Variants in SELENOF observed in about 807,000 individuals in gnomAD.
The protein encoded by SELENOF is 15 kDa selenoprotein.
In SELENOF, 16 loss-of-function variants were observed where a neutral mutation model predicts 20.5. The ratio of observed to expected loss-of-function variants is 0.78; its 90% confidence interval spans 0.53 to 1.19. The LOEUF is 1.19. SELENOF is among the 50% of genes most tolerant of loss of function. The probability of loss-of-function intolerance (pLI) is 0.00; values close to 1 mark genes in which losing one functional copy is unlikely to be tolerated. For missense variants in SELENOF, 215 were observed against 194.2 expected (o/e 1.11, Z -0.64); for synonymous variants, 78 against 74.5 (o/e 1.05, Z -0.24).
Position 86,897,651 on chromosome 1 carries a change from GCAGCTAA to G in SELENOF, c.252+5623_252+5629del, listed in dbSNP as rs531500338. On this transcript the variant is annotated intron_variant, in intron 2 of 4. Coordinates refer to ENST00000331835, the MANE Select transcript of SELENOF (RefSeq NM_004261.5). Reference sequence around the variant, plus strand: ...ATACACCATTCTACATAGCTACTATGCAGCTAACAGGTTCTTGCATTATTCCACAACC... The same window carrying G: ...ATACACCATTCTACATAGCTACTATGCAGGTTCTTGCATTATTCCACAACC... Among the ~76,000 whole-genome samples, 939 of 152,300 alleles carry G rather than the reference GCAGCTAA, an allele frequency of 6.2e-3. 11 individuals are homozygous for G. Among genetic ancestry groups the G allele is most frequent in the African/African-American group, 0.022 (906 of 41,556 alleles).
intron 2 of SELENOF, among the ~76,000 whole-genome samples, chr1:86,895,810 G>A (rs150343793): frequency 2.6e-5 from 4 of 152,262 alleles, no homozygotes; most frequent in Admixed American, 6.5e-5. Flanking sequence ...TAAGGCAAGT[G>A]TAAATGCAAA....
At chr1:86,893,941 T>C (rs528464511) in intron 2 of SELENOF, among the ~76,000 whole-genome samples, 23 of 152,364 alleles carry the variant, frequency 1.5e-4, no homozygotes, top group African/African-American at 5.0e-4. Flanking sequence ...TCAATTCTAG[T>C]ATAATAAGAT....
intron 4 of SELENOF, 28 bp from the exon 5 acceptor site, chr1:86,863,633 CT>C: frequency 6.2e-7 from 1 of 1,607,174 alleles, no homozygotes; most frequent in Non-Finnish European, 8.5e-7. Context: ...GTCATCATTA[CT>C]TTCTGTTCAG....
At chr1:86,902,935 C>T (rs1659737941) in intron 2 of SELENOF, among the ~76,000 whole-genome samples, 1 of 152,156 alleles carries the variant, frequency 6.6e-6, no homozygotes, top group Non-Finnish European at 1.5e-5. Context: ...AAGTTTCATC[C>T]AACACTGGGT....
At chr1:86,870,596 C>G (rs1658735986) in intron 3 of SELENOF, among the ~76,000 whole-genome samples, 1 of 151,816 alleles carries the variant, frequency 6.6e-6, no homozygotes, top group Non-Finnish European at 1.5e-5. Flanking sequence ...GCTTAGCATA[C>G]TTAATAAATA....
chr1:86,906,489 A>C (rs1001661368), intron 1 of SELENOF, among the ~76,000 whole-genome samples: 1 of 152,228 alleles, frequency 6.6e-6, no homozygotes, highest in African/African-American at 2.4e-5. Context: ...ACTGTTCTGA[A>C]CAACAGAGTT....
chr1:86,876,955 A>ATAT (rs1658937779), intron 3 of SELENOF, among the ~76,000 whole-genome samples: 1 of 152,170 alleles, frequency 6.6e-6, no homozygotes, highest in South Asian at 2.1e-4. Context: ...TGCATATGAG[A>ATAT]AAGGCTGCAG....
At chr1:86,899,377 C>G (rs1345164368) in intron 2 of SELENOF, among the ~76,000 whole-genome samples, 3 of 131,140 alleles carry the variant, frequency 2.3e-5, no homozygotes, top group Non-Finnish European at 3.2e-5. Context: ...CAGAGGCGCC[C>G]CTCACCTCCC....
intron 2 of SELENOF, among the ~76,000 whole-genome samples, chr1:86,894,568 G>A (rs936273605): frequency 6.6e-6 from 1 of 152,182 alleles, no homozygotes; most frequent in African/African-American, 2.4e-5. Context: ...AACTGGGTGT[G>A]TTGGTTTATG....
At chr1:86,867,490 T>TCAA (rs71082044) in intron 4 of SELENOF, among the ~76,000 whole-genome samples, 32,937 of 147,658 alleles carry the variant, frequency 0.22, 3,850 homozygotes, top group African/African-American at 0.24. Context: ...AGACTCCGTC[T>TCAA]CAACAACAAC....
At chr1:86,899,260 C>A (rs1488491042) in intron 2 of SELENOF, among the ~76,000 whole-genome samples, 1 of 151,236 alleles carries the variant, frequency 6.6e-6, no homozygotes, top group Non-Finnish European at 1.5e-5. Flanking sequence ...TTCCACAAAA[C>A]CACCATTGTC....
chr1:86,910,866 T>A (rs572175676), intron 1 of SELENOF, among the ~76,000 whole-genome samples: 64 of 152,322 alleles, frequency 4.2e-4, no homozygotes, highest in African/African-American at 1.5e-3. Context: ...CCAGTTGGGA[T>A]CACTGATAAT....
In SELENOF at chr1:86,904,808, C is replaced by G. The variant is rs139942111; in HGVS notation, c.85-1360G>C. Reference sequence around the variant, plus strand: ...ACTACCCCGTCCAAAGGCCTGTCCTCCTTTACTTTTCTCTTCTATGCATCT... The same window carrying G: ...ACTACCCCGTCCAAAGGCCTGTCCTGCTTTACTTTTCTCTTCTATGCATCT... On this transcript the variant is annotated intron_variant, in intron 1 of 4. Transcript: ENST00000331835. Among the ~76,000 whole-genome samples, 450 of 152,330 alleles carry G rather than the reference C, an allele frequency of 3.0e-3. 2 individuals carry two copies. Among genetic ancestry groups the G allele is most frequent in the African/African-American group, 0.01 (419 of 41,576 alleles).
intron 3 of SELENOF, among the ~76,000 whole-genome samples, chr1:86,873,088 T>TAAATAAATA (rs1658825790): frequency 8.6e-6 from 1 of 116,738 alleles, no homozygotes; most frequent in South Asian, 2.7e-4. Flanking sequence ...AATAAATAAA[T>TAAATAAATA]AAATAAAATA....
chr1:86,884,344 C>CAT (rs1440545431), intron 2 of SELENOF, among the ~76,000 whole-genome samples: 14 of 128,486 alleles, frequency 1.1e-4, no homozygotes, highest in Middle Eastern at 3.8e-3. Context: ...GGCGCACATA[C>CAT]ATACACACAC....
intron 2 of SELENOF, among the ~76,000 whole-genome samples, chr1:86,891,700 A>C (rs567223052): frequency 3.1e-4 from 47 of 152,186 alleles, no homozygotes; most frequent in Non-Finnish European, 5.4e-4. Context: ...AAATAAACTT[A>C]AAATTCTGTT....
rs779969615 is a variant in SELENOF, at chr1:86,880,657, T to C, written c.316+5A>G. On this transcript the variant is annotated splice_donor_5th_base_variant and intron_variant, in intron 3 of 4. Coordinates refer to ENST00000331835, the MANE Select transcript of SELENOF (RefSeq NM_004261.5). ...GAACAGTTTACTGGAGTAAATTTTATATACCTTGGACTTGAGGGAACCTTC... is the reference window on the plus strand; with the variant it reads ...GAACAGTTTACTGGAGTAAATTTTACATACCTTGGACTTGAGGGAACCTTC... 15 of 1,552,662 alleles carry C rather than the reference T, an allele frequency of 9.7e-6. 1 individual carries two copies. The South Asian group carries it at 1.8e-4, about 19-fold the overall frequency.
At chr1:86,887,467 A>T (rs1359763528) in intron 2 of SELENOF, among the ~76,000 whole-genome samples, 1 of 152,170 alleles carries the variant, frequency 6.6e-6, no homozygotes, top group Non-Finnish European at 1.5e-5. Flanking sequence ...CAAGCAAGTA[A>T]CATCTACCTT....
chr1:86,894,293 A>G (rs1659464370), intron 2 of SELENOF, among the ~76,000 whole-genome samples: 1 of 152,040 alleles, frequency 6.6e-6, no homozygotes, highest in Non-Finnish European at 1.5e-5. Context: ...TATTAGTAGA[A>G]AAATTTGAAA....
Sources: allele counts gnomAD v4.1 joint callset (sites outside exome capture counted in the v4.1 genomes callset), GRCh38; gene constraint gnomAD v4.1.1; transcripts MANE v1.5; gene names NCBI Gene and HGNC (gene_info 2026-07-23, HGNC 2026-07-21).